The following WASF3 variants were observed in gnomAD, a reference collection of about 807,000 sequenced individuals.
WASF3 encodes actin-binding protein WASF3.
WASF3 carries 11 observed loss-of-function variants against 46.6 expected under a neutral mutation model. That is an observed-to-expected ratio of 0.24 (90% CI 0.15 to 0.39). The LOEUF is 0.39. Among genes scored for constraint, WASF3 ranks in the 10% least tolerant of loss-of-function variants. The pLI is 1.00. For missense variants in WASF3, 576 were observed against 669.8 expected (o/e 0.86, Z 1.55); for synonymous variants, 242 against 259.7 (o/e 0.93, Z 0.65).
intron 1 of WASF3, among the ~76,000 whole-genome samples, chr13:26,601,285 G>T (rs1028258618): frequency 1.3e-5 from 2 of 152,146 alleles, no homozygotes; most frequent in African/African-American, 4.8e-5. Flanking sequence ...GTAACTTACT[G>T]GAGTGCTTTA....
the WASF3 span, among the ~76,000 whole-genome samples, chr13:26,552,430 T>G: frequency 6.6e-6 from 1 of 152,178 alleles, no homozygotes; most frequent in South Asian, 2.1e-4. Context: ...TAGCCATGTT[T>G]CCAGCAAATA....
chr13:26,647,412 A>C (rs1488888824), intron 3 of WASF3, among the ~76,000 whole-genome samples: 1 of 152,098 alleles, frequency 6.6e-6, no homozygotes, highest in Non-Finnish European at 1.5e-5. Context: ...TTTTCTTCAA[A>C]TAATGACAGT....
intron 5 of WASF3, among the ~76,000 whole-genome samples, chr13:26,669,435 A>C (rs1279612445): frequency 1.3e-5 from 2 of 151,934 alleles, no homozygotes; most frequent in Non-Finnish European, 2.9e-5. Flanking sequence ...ATAACATATA[A>C]ATTTTCACAT....
chr13:26,604,608 G>A (rs1311601981), intron 1 of WASF3, among the ~76,000 whole-genome samples: 2 of 152,112 alleles, frequency 1.3e-5, no homozygotes, highest in African/African-American at 4.8e-5. Context: ...AAAAAAGAAG[G>A]AGTCCATTTA....
chr13:26,603,065 GGAGGTAA>G (rs1880689041), intron 1 of WASF3, among the ~76,000 whole-genome samples: 1 of 152,152 alleles, frequency 6.6e-6, no homozygotes, highest in Non-Finnish European at 1.5e-5. Flanking sequence ...GGGCCCATGG[GGAGGTAA>G]GAGTAACTGC....
At chr13:26,680,333 C>T (rs982846664) in intron 7 of WASF3, 55 of 1,103,574 alleles carry the variant, frequency 5.0e-5, no homozygotes, top group Non-Finnish European at 5.5e-5. Context: ...GTCTTACTAA[C>T]GCCCACGGCA....
chr13:26,551,635 T>C, the WASF3 span, among the ~76,000 whole-genome samples: 2 of 152,146 alleles, frequency 1.3e-5, no homozygotes, highest in South Asian at 4.1e-4. Flanking sequence ...TGTAGGTAAC[T>C]GTGCCCAGGA....
At chr13:26,612,742 T>C (rs1593147924) in intron 1 of WASF3, among the ~76,000 whole-genome samples, 1 of 152,326 alleles carries the variant, frequency 6.6e-6, no homozygotes, top group East Asian at 1.9e-4. Context: ...CTGTGAGTCC[T>C]TGAAGTTAAT....
intron 1 of WASF3, among the ~76,000 whole-genome samples, chr13:26,602,647 C>T (rs1365387741): frequency 6.6e-6 from 1 of 152,008 alleles, no homozygotes; most frequent in Admixed American, 6.6e-5. Flanking sequence ...ACTTTATCCT[C>T]AGAGAGAGAA....
Position 26,672,004 on chromosome 13 carries a change from T to C in WASF3, c.540+15T>C. 2 of 1,537,768 alleles carry C rather than the reference T, an allele frequency of 1.3e-6. No individual in the cohort carries two copies. The highest frequency in any genetic ancestry group is 1.8e-6 in the Non-Finnish European group (2 of 1,115,966). Reference sequence around the variant, plus strand: ...GGCGTCAAAAGGTAAATAATTTCAGTATGGGAAATGTGCATATCAGTGTTC... The same window carrying C: ...GGCGTCAAAAGGTAAATAATTTCAGCATGGGAAATGTGCATATCAGTGTTC... On this transcript the variant is annotated intron_variant, in intron 6 of 9. Coordinates refer to ENST00000335327, the MANE Select transcript of WASF3 (RefSeq NM_006646.6).
intron 1 of WASF3, among the ~76,000 whole-genome samples, chr13:26,592,057 C>T (rs1467695231): frequency 2.1e-5 from 3 of 145,206 alleles, no homozygotes; most frequent in African/African-American, 7.8e-5. Context: ...CTTTCTACCG[C>T]AGTGATTCTA....
intron 1 of WASF3, among the ~76,000 whole-genome samples, chr13:26,568,292 C>T (rs146617880): frequency 2.6e-4 from 40 of 152,176 alleles, no homozygotes; most frequent in African/African-American, 7.9e-4. Flanking sequence ...GCTCTGTGTG[C>T]TAGGTAGGCA....
chr13:26,673,300 G>A (rs575479582), intron 6 of WASF3, among the ~76,000 whole-genome samples: 1 of 152,034 alleles, frequency 6.6e-6, no homozygotes, highest in South Asian at 2.1e-4. Context: ...AAAATCATTT[G>A]TTATTTCCTG....
chr13:26,633,795 C>T (rs867409840), intron 2 of WASF3, among the ~76,000 whole-genome samples: 15 of 152,300 alleles, frequency 9.8e-5, no homozygotes, highest in East Asian at 3.9e-4. Flanking sequence ...CACAGTTGTG[C>T]GGTTTTGAAT....
intron 1 of WASF3, among the ~76,000 whole-genome samples, chr13:26,575,037 T>C (rs565326271): frequency 4.3e-4 from 66 of 152,158 alleles, no homozygotes; most frequent in South Asian, 2.9e-3. Context: ...GGGGTTACAC[T>C]GTGTTAGCCA....
chr13:26,617,265 G>GT (rs59761644), intron 2 of WASF3, among the ~76,000 whole-genome samples: 2,605 of 147,772 alleles, frequency 0.018, 37 homozygotes, highest in African/African-American at 0.046. Context: ...CATTTTTAGT[G>GT]TTTTTTTTTT....
At chr13:26,606,114 A>C (rs1215888797) in intron 1 of WASF3, among the ~76,000 whole-genome samples, 1 of 152,048 alleles carries the variant, frequency 6.6e-6, no homozygotes, top group Non-Finnish European at 1.5e-5. Context: ...TTGCTAAATG[A>C]GGTAGACGGC....
At chr13:26,591,416 G>A (rs1880289583) in intron 1 of WASF3, among the ~76,000 whole-genome samples, 1 of 152,094 alleles carries the variant, frequency 6.6e-6, no homozygotes, top group African/African-American at 2.4e-5. Flanking sequence ...CAGTTGAGGT[G>A]GGGGAAGCAG....
chr13:26,672,086 T>C (rs1882939986), intron 6 of WASF3, 97 bp downstream of exon 6: 3 of 972,566 alleles, frequency 3.1e-6, no homozygotes, highest in Non-Finnish European at 4.7e-6. Context: ...ATATTGGATA[T>C]AGTGCTGAAG....
Sources: gnomAD v4.1 joint callset for allele counts (sites outside exome capture counted in the v4.1 genomes callset) on GRCh38, gnomAD v4.1.1 for gene constraint, MANE v1.5 for transcripts, NCBI Gene and HGNC (gene_info 2026-07-23, HGNC 2026-07-21) for gene names.